Variants in PDCD11 observed in about 807,000 individuals in gnomAD.
PDCD11 encodes the protein programmed cell death 11, also known as protein RRP5 homolog.
Under a neutral mutation model 198.9 loss-of-function variants are expected in PDCD11, and 97 were observed. That is an observed-to-expected ratio of 0.49 (90% confidence interval 0.41 to 0.58). The LOEUF (loss-of-function observed/expected upper bound fraction) is 0.58. Among genes scored for constraint, PDCD11 ranks in the 20% least tolerant of loss-of-function variants. The probability of loss-of-function intolerance (pLI) is 0.00; values close to 1 mark genes in which losing one functional copy is unlikely to be tolerated. For missense variants in PDCD11, 2,102 were observed against 2,312.7 expected, an observed-to-expected ratio of 0.91 and a Z score of 1.87; for synonymous variants, 893 against 918.0, an observed-to-expected ratio of 0.97 and a Z score of 0.49.
At chr10:103,444,981 T>C (rs936097055) in intron 35 of PDCD11, among the ~76,000 whole-genome samples, 2 of 152,256 alleles carry the variant, frequency 1.3e-5, no homozygotes, top group Non-Finnish European at 2.9e-5. Context: ...CTCTTGCTTT[T>C]GACCCCAGCG....
At chr10:103,424,556 A>G (rs2031599883) in intron 19 of PDCD11, among the ~76,000 whole-genome samples, 1 of 151,770 alleles carries the variant, frequency 6.6e-6, no homozygotes, top group South Asian at 2.1e-4. Context: ...CTCAGTAATG[A>G]CTCTATTCAT....
intron 28 of PDCD11, 114 bp downstream of exon 28, chr10:103,439,982 G>C: frequency 7.8e-7 from 1 of 1,288,938 alleles, no homozygotes; most frequent in Non-Finnish European, 1.1e-6. Context: ...GCGTAGTGGT[G>C]TTCAGATGAA....
chr10:103,428,255 A>G (rs2031781887), intron 21 of PDCD11, among the ~76,000 whole-genome samples: 1 of 152,062 alleles, frequency 6.6e-6, no homozygotes, highest in African/African-American at 2.4e-5. Flanking sequence ...GAGTAAGTCA[A>G]AATCTCGCCA....
At chr10:103,398,626 T>G (rs2093449433) in intron 2 of PDCD11, 98 bp downstream of exon 2, 1 of 784,452 alleles carries the variant, frequency 1.3e-6, no homozygotes, top group East Asian at 2.7e-5. Flanking sequence ...TTTTTCCAGA[T>G]TTTTTTTGCA....
At chr10:103,439,248 G>A (rs369461351) in intron 27 of PDCD11, among the ~76,000 whole-genome samples, 1 of 152,142 alleles carries the variant, frequency 6.6e-6, no homozygotes, top group Non-Finnish European at 1.5e-5. Context: ...AGGCTGAGGC[G>A]GGAGGATTGC....
chr10:103,409,605 A>C, intron 7 of PDCD11, 94 bp from the exon 8 acceptor site: 1 of 794,206 alleles, frequency 1.3e-6, no homozygotes, highest in Non-Finnish European at 2.2e-6. Context: ...ACAGTTAGGG[A>C]TACTATGGCA....
chr10:103,434,221 A>G, intron 23 of PDCD11, 27 bp from the exon 24 acceptor site: 2 of 1,502,968 alleles, frequency 1.3e-6, no homozygotes, highest in Non-Finnish European at 9.3e-7. Flanking sequence ...TTCTTCAAGC[A>G]TCACAGGAGT....
At chr10:103,423,901 C>T in intron 19 of PDCD11, among the ~76,000 whole-genome samples, 1 of 152,146 alleles carries the variant, frequency 6.6e-6, no homozygotes, top group East Asian at 1.9e-4. Flanking sequence ...AAATAGTGTG[C>T]AGGAGTGGAG....
Position 103,440,565 on chromosome 10 carries a change from A to C in PDCD11, c.4424A>C (p.Glu1475Ala), listed in dbSNP as rs749950508. Residue 1475 changes from glutamate (E) to alanine (A), a missense_variant, in exon 29 of 36, where the codon GAG (glutamate) becomes GCG (alanine). Physicochemically the swap from Glu to Ala is moderately radical, Grantham distance 107. Coordinates refer to ENST00000369797, the MANE Select transcript of PDCD11 (RefSeq NM_014976.2). ...AQKRGGRECR[E>A]SGSEQERVSK... The stretch of plus-strand genomic sequence containing the variant: ...AAGCGGGGCGGGCGGGAGTGCCGGG[A>C]GTCTGGGAGTGAGCAGGTGAGGTCC... 1.7e-5 allele frequency: 27 copies of C among 1,611,238 alleles called. No individual in the cohort carries two copies. In the African/African-American group the frequency reaches 3.5e-4, roughly 21 times the overall value.
intron 16 of PDCD11, among the ~76,000 whole-genome samples, chr10:103,421,134 G>A (rs376534475): frequency 2.6e-5 from 4 of 152,020 alleles, no homozygotes; most frequent in South Asian, 2.1e-4. Context: ...TCGGCCTCCC[G>A]AAGTGCTGGG....
intron 32 of PDCD11, 38 bp downstream of exon 32, chr10:103,442,498 C>T (rs751091685): frequency 1.4e-5 from 22 of 1,594,922 alleles, no homozygotes; most frequent in South Asian, 1.0e-4. Flanking sequence ...TGTCTTCGCA[C>T]GTTCTGGGCT....
At chr10:103,417,483 A>G (rs1048629701) in intron 13 of PDCD11, among the ~76,000 whole-genome samples, 1 of 152,250 alleles carries the variant, frequency 6.6e-6, no homozygotes, top group Non-Finnish European at 1.5e-5. Context: ...ACCATGTGAT[A>G]TTTCAATACA....
intron 16 of PDCD11, among the ~76,000 whole-genome samples, chr10:103,420,956 A>G (rs1017893661): frequency 1.3e-5 from 2 of 151,670 alleles, no homozygotes; most frequent in South Asian, 2.1e-4. Context: ...GCTTACAGCA[A>G]CCTCTGCCTC....
chr10:103,405,139 A>C lies in PDCD11; in HGVS notation c.520A>C (p.Asn174His). ...KSVKLSLNPK[N>H]VNRVLSAEAL... is the part of the protein sequence containing the mutation. ...TGTCAAGCTGTCTCTGAACCCCAAA[A>C]ATGTCAACAGAGTGCTGAGTGCTGA... Residue 174 changes from asparagine to histidine, a missense_variant, in exon 5 of 36, where the codon AAT becomes CAT. Asn to His is a moderately conservative substitution (Grantham distance 68). Transcript: ENST00000369797. 1 of 1,614,046 alleles carries C rather than the reference A, an allele frequency of 6.2e-7. No homozygotes were observed. Among genetic ancestry groups the C allele is most frequent in the Non-Finnish European group, 8.5e-7 (1 of 1,179,988 alleles).
At position 103,440,403 on chromosome 10, in the gene PDCD11, A is replaced by G. The variant is rs1308076268; in HGVS notation, c.4262A>G (p.Lys1421Arg). ...CAACTTACAAAGCAAGAGGAGAGGA[A>G]AACAGAGGCTGAGGAGAGAGACCAA... The part of the protein sequence containing the change: ...EGQLTKQEER[K>R]TEAEERDQKG... Residue 1421 changes from lysine to arginine, a missense_variant, in exon 29 of 36, where the codon AAA becomes AGA. Physicochemically the swap from Lys to Arg is conservative, Grantham distance 26. Transcript: ENST00000369797. The G allele has an allele frequency of 6.2e-7, 1 of 1,614,252 alleles. No homozygotes were observed. The highest frequency in any genetic ancestry group is 8.5e-7 in the Non-Finnish European group (1 of 1,180,046).
intron 14 of PDCD11, 115 bp downstream of exon 14, chr10:103,418,047 G>T: frequency 8.3e-7 from 1 of 1,211,720 alleles, no homozygotes; most frequent in Non-Finnish European, 1.2e-6. Context: ...AGCTAGATAA[G>T]ATTTTGGGGC....
intron 5 of PDCD11, 71 bp downstream of exon 5, chr10:103,405,254 G>A (rs2030377271): frequency 6.7e-7 from 1 of 1,486,982 alleles, no homozygotes; most frequent in Non-Finnish European, 9.2e-7. Flanking sequence ...GCGTGGTCTA[G>A]GCCACCTTTT....
chr10:103,398,355 C>A, intron 1 of PDCD11, 61 bp from the exon 2 acceptor site: 2 of 1,016,212 alleles, frequency 2.0e-6, no homozygotes, highest in Non-Finnish European at 3.1e-6. Context: ...CCGTTGATAA[C>A]ACCTTTCTGA....
rs757099554 is a variant in PDCD11, at chr10:103,445,391, C to A, written c.5458C>A (p.Arg1820=). The A allele has an allele frequency of 6.2e-7, 1 of 1,614,152 alleles. No individual in the cohort carries two copies. ...TTTCCTCAACAGGGACATCTTTGAGCGGGTCATTCATCTGAGCTTGGCCCC... is the reference window on the plus strand; with the variant it reads ...TTTCCTCAACAGGGACATCTTTGAGAGGGTCATTCATCTGAGCTTGGCCCC... The part of the protein sequence containing the change: ...SQKDVRDIFE[R]VIHLSLAPKR... Residue 1820 remains arginine (R), a synonymous_variant, in exon 36 of 36, where the codon CGG becomes AGG. Transcript: ENST00000369797.
Sources: allele counts gnomAD v4.1 joint callset (sites outside exome capture counted in the v4.1 genomes callset), GRCh38; gene constraint gnomAD v4.1.1; transcripts MANE v1.5; gene names NCBI Gene and HGNC (gene_info 2026-07-23, HGNC 2026-07-21).